Variants in PCDHGC3 observed in about 807,000 individuals in gnomAD.
PCDHGC3 encodes the protein protocadherin gamma-C3.
A neutral mutation model predicts 59.2 loss-of-function variants in PCDHGC3; 26 were observed. The ratio of observed to expected loss-of-function variants is 0.44; its 90% CI spans 0.32 to 0.61. PCDHGC3 has a LOEUF of 0.61. Among genes scored for constraint, PCDHGC3 ranks in the 20% least tolerant of loss-of-function variants. The pLI, the probability that PCDHGC3 is intolerant of heterozygous loss-of-function variation, is 0.05. For synonymous variants in PCDHGC3, 487 were observed against 519.7 expected (o/e 0.94, Z 0.86); for missense variants, 1,080 against 1,221.8 (o/e 0.88, Z 1.73).
chr5:141,500,051 C>A (rs991931153), intron 2 of PCDHGC3, among the ~76,000 whole-genome samples: 1 of 151,988 alleles, frequency 6.6e-6, no homozygotes, highest in Non-Finnish European at 1.5e-5. Context: ...TATCTTAATG[C>A]TCTTTTAATG....
intron 3 of PCDHGC3, among the ~76,000 whole-genome samples, chr5:141,509,040 C>T (rs1217864661): frequency 6.6e-6 from 1 of 152,132 alleles, no homozygotes; most frequent in African/African-American, 2.4e-5. Context: ...CAACCCCTCT[C>T]CCCCGCCCCC....
rs769514553 is a variant in PCDHGC3, at chr5:141,490,072, G to T, written c.2431-4735G>T. On this transcript the variant is annotated intron_variant, in intron 1 of 3. Transcript: ENST00000308177. The surrounding 1 kb of genome is among the most constrained non-coding windows in gnomAD (Gnocchi z 5.4). Reference sequence around the variant, plus strand: ...AGACGAGGGCACCAACGGCCAACTAGACTATTCTTTTGGAGACCACACATC... The same window carrying T: ...AGACGAGGGCACCAACGGCCAACTATACTATTCTTTTGGAGACCACACATC... 2 of 1,614,254 alleles carry T rather than the reference G, an allele frequency of 1.2e-6. No homozygotes were observed. Among genetic ancestry groups the T allele is most frequent in the South Asian group, 2.2e-5 (2 of 91,090 alleles).
intron 1 of PCDHGC3, chr5:141,478,841 A>G (rs1335486924): frequency 1.4e-5 from 19 of 1,405,590 alleles, no homozygotes; most frequent in Non-Finnish European, 1.8e-5. Flanking sequence ...GGGATGGTTA[A>G]GCTAAAACAC....
intron 1 of PCDHGC3, among the ~76,000 whole-genome samples, chr5:141,482,857 A>T (rs2099573663): frequency 6.6e-6 from 1 of 152,140 alleles, no homozygotes; most frequent in Admixed American, 6.5e-5. Flanking sequence ...AGATCACTTG[A>T]GGTCAGGAGT....
In PCDHGC3 at chr5:141,490,935, G is replaced by A. The variant is rs1371144225; in HGVS notation, c.2431-3872G>A. On this transcript the variant is annotated intron_variant, in intron 1 of 3. Transcript: ENST00000308177. The surrounding 1 kb of genome is among the most constrained non-coding windows in gnomAD (Gnocchi z 5.4). ...AGAATGATAATGCCCCAGCTGTGCTGCACCCACGGCCAGACTGGGAACACT... is the reference window on the plus strand; with the variant it reads ...AGAATGATAATGCCCCAGCTGTGCTACACCCACGGCCAGACTGGGAACACT... 1.9e-6 allele frequency: 3 copies of A among 1,613,638 alleles called. No homozygotes were observed. The highest frequency in any genetic ancestry group is 2.2e-5 in the South Asian group (2 of 91,032).
intron 3 of PCDHGC3, among the ~76,000 whole-genome samples, chr5:141,509,419 T>C (rs2154594533): frequency 6.6e-6 from 1 of 152,216 alleles, no homozygotes; most frequent in South Asian, 2.1e-4. Flanking sequence ...CGAGCCCCAA[T>C]GAGTCAAACT....
chr5:141,486,884 C>G lies in PCDHGC3; in HGVS notation c.2431-7923C>G, dbSNP rs1272694679. On this transcript the variant is annotated intron_variant, in intron 1 of 3. Transcript: ENST00000308177. The surrounding 1 kb of genome is among the most constrained non-coding windows in gnomAD (Gnocchi z 5.0). ...TCCAGCTGTGCTCCGTCCTCGGGCC[C>G]GGCCTGGTTCCTTATGTCCCCAAGC... The G allele has an allele frequency of 6.2e-7, 1 of 1,614,224 alleles. No homozygotes were observed. The highest frequency in any genetic ancestry group is 8.5e-7 in the Non-Finnish European group (1 of 1,180,046).
At chr5:141,480,738 T>C (rs2099524955) in intron 1 of PCDHGC3, among the ~76,000 whole-genome samples, 1 of 152,124 alleles carries the variant, frequency 6.6e-6, no homozygotes, top group Admixed American at 6.5e-5. Flanking sequence ...GGGTGGGACA[T>C]AGGCATCATT....
At chr5:141,510,169 A>G (rs927072830) in intron 3 of PCDHGC3, among the ~76,000 whole-genome samples, 7 of 151,230 alleles carry the variant, frequency 4.6e-5, no homozygotes, top group Non-Finnish European at 1.0e-4. Context: ...GCTACTCAGG[A>G]GGTTGAGGCA....
rs757663132 is a variant in PCDHGC3 at position 141,510,991 on chromosome 5, A to G, written c.2623A>G (p.Met875Val). ...CACCCTGGGAGGGGGTGCCGGCACC[A>G]TGGGATTGAGCGCCCGCTACGGACC... is the stretch of plus-strand genomic sequence containing the variant. ...SSTLGGGAGT[M>V]GLSARYGPQF... is the part of the protein sequence containing the mutation. Residue 875 changes from methionine (M) to valine (V), a missense_variant, in exon 4 of 4, where the codon ATG becomes GTG. Coordinates refer to ENST00000308177, the MANE Select transcript of PCDHGC3 (RefSeq NM_002588.4). 1.2e-6 allele frequency: 2 copies of G among 1,614,136 alleles called. No individual in the cohort carries two copies. Among genetic ancestry groups the G allele is most frequent in the Admixed American group, 3.3e-5 (2 of 60,022 alleles).
In PCDHGC3 at chr5:141,511,405, T is replaced by C. The variant is rs1274658643; in HGVS notation, c.*232T>C. The C allele has an allele frequency of 2.2e-5, 21 of 944,066 alleles. No homozygotes were observed. In the East Asian group the frequency reaches 5.8e-4, roughly 26 times the overall value. 58.5% of individuals were successfully genotyped at this position (944,066 alleles called of 1,614,324 possible). On this transcript the variant is annotated 3_prime_UTR_variant, in exon 4 of 4. Transcript: ENST00000308177. ...CGCTGGGAACCCCCATCCAATCAACTGCTGTACCCATGGGGGTAGTGGGGT... is the reference window on the plus strand; with the variant it reads ...CGCTGGGAACCCCCATCCAATCAACCGCTGTACCCATGGGGGTAGTGGGGT...
Position 141,487,540 on chromosome 5 carries a change from G to T in PCDHGC3, c.2431-7267G>T, listed in dbSNP as rs1319372340. The T allele has an allele frequency of 1.2e-6, 2 of 1,614,208 alleles. No homozygotes were observed. Among genetic ancestry groups the T allele is most frequent in the Admixed American group, 3.3e-5 (2 of 60,034 alleles). ...GGAGTGATAGCTTCATGATGGTGAA[G>T]TCACCCAGTGCACCTATGGCAGGGG... is the stretch of plus-strand genomic sequence containing the variant. On this transcript the variant is annotated intron_variant, in intron 1 of 3. Transcript: ENST00000308177. This position sits in a 1 kb window ranked among gnomAD's most constrained non-coding sequence, Gnocchi z 5.0.
rs888389135 is a variant in PCDHGC3 at position 141,487,089 on chromosome 5, C to T, written c.2431-7718C>T. 12 of 1,613,882 alleles carry T rather than the reference C, an allele frequency of 7.4e-6. No individual in the cohort carries two copies. Among genetic ancestry groups the T allele is most frequent in the Non-Finnish European group, 1.0e-5 (12 of 1,179,768 alleles). On this transcript the variant is annotated intron_variant, in intron 1 of 3. Coordinates refer to ENST00000308177, the MANE Select transcript of PCDHGC3 (RefSeq NM_002588.4). The surrounding 1 kb of genome is among the most constrained non-coding windows in gnomAD (Gnocchi z 5.0). The stretch of plus-strand genomic sequence containing the variant: ...GCTGTTCCTATCCCAGCTGACCTCC[C>T]ACCACAGAAGCTGGTCATTGTGGTA...
At position 141,486,706 on chromosome 5, in the gene PCDHGC3, C is replaced by G; in HGVS notation, c.2431-8101C>G. 6.2e-7 allele frequency: 1 copy of G among 1,614,154 alleles called. No homozygotes were observed. Among genetic ancestry groups the G allele is most frequent in the Non-Finnish European group, 8.5e-7 (1 of 1,180,024 alleles). ...CAGCTTCCTCTTTCATCTCTCTGAA[C>G]CCCCAGACAGGAGCTGTTCATGCTA... On this transcript the variant is annotated intron_variant, in intron 1 of 3. Coordinates refer to ENST00000308177, the MANE Select transcript of PCDHGC3 (RefSeq NM_002588.4). This position sits in a 1 kb window ranked among gnomAD's most constrained non-coding sequence, Gnocchi z 5.0.
chr5:141,484,236 G>C (rs1272971014), intron 1 of PCDHGC3, among the ~76,000 whole-genome samples: 2 of 152,132 alleles, frequency 1.3e-5, no homozygotes, highest in Non-Finnish European at 2.9e-5. Context: ...AAGAGATCTG[G>C]TCCTTAGCAC....
chr5:141,485,259 G>C lies in PCDHGC3; in HGVS notation c.2430+6713G>C. ...TTTTACCACCTGGGTTACGTTTGTGGGCAGATCCGCTACCCGGTCCCAGAG... is the reference window on the plus strand; with the variant it reads ...TTTTACCACCTGGGTTACGTTTGTGCGCAGATCCGCTACCCGGTCCCAGAG... On this transcript the variant is annotated intron_variant, in intron 1 of 3. Coordinates refer to ENST00000308177, the MANE Select transcript of PCDHGC3 (RefSeq NM_002588.4). The surrounding 1 kb of genome is among the most constrained non-coding windows in gnomAD (Gnocchi z 5.7). 1.2e-6 allele frequency: 2 copies of C among 1,614,136 alleles called. No homozygotes were observed. The highest frequency in any genetic ancestry group is 1.7e-6 in the Non-Finnish European group (2 of 1,180,002).
chr5:141,511,041 C>T lies in PCDHGC3; in HGVS notation c.2673C>T (p.Pro891=), dbSNP rs1421629777. 1.5e-5 allele frequency: 24 copies of T among 1,614,076 alleles called. No individual in the cohort carries two copies. The highest frequency in any genetic ancestry group is 5.5e-5 in the South Asian group (5 of 91,092). Residue 891 remains proline, a synonymous_variant, in exon 4 of 4, where the codon CCC becomes CCT. Transcript: ENST00000308177. The part of the protein sequence containing the change: ...YGPQFTLQHV[P]DYRQNVYIPG... ...CCCAGTTCACCCTGCAGCACGTGCCCGACTACCGCCAGAATGTCTACATCC... is the reference window on the plus strand; with the variant it reads ...CCCAGTTCACCCTGCAGCACGTGCCTGACTACCGCCAGAATGTCTACATCC...
In PCDHGC3 at chr5:141,485,556, A is replaced by T; in HGVS notation, c.2430+7010A>T. On this transcript the variant is annotated intron_variant, in intron 1 of 3. Coordinates refer to ENST00000308177, the MANE Select transcript of PCDHGC3 (RefSeq NM_002588.4). This position sits in a 1 kb window ranked among gnomAD's most constrained non-coding sequence, Gnocchi z 5.7. ...GAGGTAGAGATCGTAGATGTGAATG[A>T]TCACGCCCCCCGTTTTCCGCGGCAG... is the stretch of plus-strand genomic sequence containing the variant. The T allele has an allele frequency of 6.2e-7, 1 of 1,613,664 alleles. No homozygotes were observed. Among genetic ancestry groups the T allele is most frequent in the Non-Finnish European group, 8.5e-7 (1 of 1,179,644 alleles).
chr5:141,479,328 G>A (rs568506786), intron 1 of PCDHGC3: 1 of 152,654 alleles, frequency 6.6e-6, no homozygotes, highest in East Asian at 1.9e-4. Flanking sequence ...CAGACTCAGT[G>A]GTGTGCACCT....
Sources: gnomAD v4.1 joint callset for allele counts (sites outside exome capture counted in the v4.1 genomes callset) on GRCh38, gnomAD v4.1.1 for gene constraint, Gnocchi (gnomAD v3.1) non-coding constraint, MANE v1.5 for transcripts, NCBI Gene and HGNC (gene_info 2026-07-23, HGNC 2026-07-21) for gene names.